The following ZDHHC1 variants were observed in gnomAD, a reference collection of about 807,000 sequenced individuals.
The protein encoded by ZDHHC1 is zDHHC palmitoyltransferase 1.
In ZDHHC1, 45 loss-of-function variants were observed where a neutral mutation model predicts 46.9. That is an observed-to-expected ratio of 0.96 (90% CI 0.76 to 1.23). The LOEUF (loss-of-function observed/expected upper bound fraction) is 1.23, where lower values mean the gene tolerates loss of function less well. Ranked by LOEUF, ZDHHC1 falls within the 50% of genes most tolerant of loss-of-function variation. ZDHHC1 has a pLI of 0.00. For synonymous variants in ZDHHC1, 291 were observed against 286.0 expected (o/e 1.02, Z -0.18); for missense variants, 649 against 670.8 (o/e 0.97, Z 0.36).
In ZDHHC1 at chr16:67,395,074, C is replaced by G. The variant is rs760970591; in HGVS notation, c.1105-12G>C. 23 of 1,613,114 alleles carry G rather than the reference C, an allele frequency of 1.4e-5. No individual in the cohort carries two copies. Among genetic ancestry groups the G allele is most frequent in the Non-Finnish European group, 1.9e-5 (22 of 1,179,932 alleles). ...CTCTTCCTCTTTTTCTGCAGAGACA[C>G]GGGGGAGCCTGAGGGCCCCACATCG... On this transcript the variant is annotated splice_polypyrimidine_tract_variant and intron_variant, in intron 10 of 11. Coordinates refer to ENST00000565726, the MANE Select transcript of ZDHHC1 (RefSeq NM_001323627.2).
intron 8 of ZDHHC1, 191 bp from the exon 9 acceptor site, chr16:67,395,757 C>T (rs2040419206): frequency 4.9e-6 from 3 of 616,458 alleles, no homozygotes; most frequent in African/African-American, 3.7e-5. Context: ...TGGCCCTTGC[C>T]CCATCCCCAG....
chr16:67,400,668 T>C (rs981711459), intron 4 of ZDHHC1, among the ~76,000 whole-genome samples: 1 of 152,224 alleles, frequency 6.6e-6, no homozygotes, highest in Non-Finnish European at 1.5e-5. Flanking sequence ...TATATGGGAA[T>C]ACTGGCGAGA....
In ZDHHC1 at chr16:67,394,803, TG is replaced by T; in HGVS notation, c.1255del (p.His419ThrfsTer46). The T allele has an allele frequency of 2.0e-6, 3 of 1,515,622 alleles. No individual in the cohort carries two copies. Among genetic ancestry groups the T allele is most frequent in the Admixed American group, 2.1e-5 (1 of 48,600 alleles). The allele number at this position is 1,515,622 out of a possible 1,614,324, so 93.9% of individuals were successfully genotyped here. A position where few individuals can be genotyped will look rare whatever the true frequency, so the allele number is the denominator to read the frequency against. On this transcript the variant is annotated frameshift_variant, in exon 12 of 12. Coordinates refer to ENST00000565726, the MANE Select transcript of ZDHHC1 (RefSeq NM_001323627.2). LOFTEE classifies it low-confidence loss of function (END_TRUNC). The part of the protein sequence containing the change: ...VHAAGPAGAY[H>X]SASAESVDEI... ...GTCCACGGACTCTGCCGACGCCGAG[TG>T]GTAGGCGCCGGCAGGGCCAGCGGCG...
chr16:67,410,717 G>A (rs1178962760), intron 1 of ZDHHC1, among the ~76,000 whole-genome samples: 2 of 151,742 alleles, frequency 1.3e-5, no homozygotes, highest in African/African-American at 4.8e-5. Flanking sequence ...TCAGGCTGGA[G>A]TACAGTGGTA....
chr16:67,398,768 G>A (rs150003209), intron 6 of ZDHHC1, 37 bp from the exon 7 acceptor site: 35 of 1,611,882 alleles, frequency 2.2e-5, no homozygotes, highest in Admixed American at 5.0e-5. Flanking sequence ...AGCCGGGGAC[G>A]TGACGGGTGA....
In ZDHHC1 at chr16:67,395,481, C is replaced by T. The variant is rs1184328415; in HGVS notation, c.1010+3G>A. ...CAGTGGCACATGCCCAGGTTGCACT[C>T]ACTTGGCATTCACTGCTGCTGGCCC... On this transcript the variant is annotated splice_donor_region_variant and intron_variant, in intron 9 of 11. Transcript: ENST00000565726. The T allele has an allele frequency of 6.4e-7, 1 of 1,552,648 alleles. No homozygotes were observed. Among genetic ancestry groups the T allele is most frequent in the Non-Finnish European group, 8.7e-7 (1 of 1,147,628 alleles).
intron 4 of ZDHHC1, among the ~76,000 whole-genome samples, chr16:67,400,379 G>C (rs140345343): frequency 6.6e-6 from 1 of 152,306 alleles, no homozygotes; most frequent in Admixed American, 6.5e-5. Flanking sequence ...GGCGCAGCAC[G>C]TAGTGACTCC....
chr16:67,400,950 C>T lies in ZDHHC1; in HGVS notation c.428+7G>A. On this transcript the variant is annotated splice_region_variant and intron_variant, in intron 4 of 11. Transcript: ENST00000565726. ...CTCGGCAGCCACAAGCACCCACACA[C>T]ACTCACACATCCACGTTGCACAAGT... is the stretch of plus-strand genomic sequence containing the variant. The T allele has an allele frequency of 6.2e-7, 1 of 1,613,044 alleles. No individual in the cohort carries two copies. Among genetic ancestry groups the T allele is most frequent in the Non-Finnish European group, 8.5e-7 (1 of 1,179,538 alleles).
At chr16:67,413,194 C>G (rs1224748325) in intron 1 of ZDHHC1, among the ~76,000 whole-genome samples, 1 of 152,108 alleles carries the variant, frequency 6.6e-6, no homozygotes, top group Non-Finnish European at 1.5e-5. Flanking sequence ...AGCCTCCCAC[C>G]TTGGCCTCCC....
intron 1 of ZDHHC1, among the ~76,000 whole-genome samples, chr16:67,409,130 G>A (rs1436813928): frequency 1.3e-5 from 2 of 152,134 alleles, no homozygotes; most frequent in African/African-American, 4.8e-5. Context: ...CAGAGCTGCT[G>A]TATCCCTGAC....
intron 1 of ZDHHC1, among the ~76,000 whole-genome samples, chr16:67,412,865 A>G (rs2040771246): frequency 6.6e-6 from 1 of 151,176 alleles, no homozygotes. Context: ...CAGTGGTGCG[A>G]TCTTGGCTCA....
Position 67,416,394 on chromosome 16 carries a change from TCCGGCTCC to T in ZDHHC1, c.-270_-263del. On this transcript the variant is annotated 5_prime_UTR_variant, in exon 1 of 12. Coordinates refer to ENST00000565726, the MANE Select transcript of ZDHHC1 (RefSeq NM_001323627.2). ...CTCTGGCTCTGGCTCCGGCTCCGGCTCCGGCTCCGGCTCCGGCTCCGGCTCCAGCAGGC... is the reference window on the plus strand; with the variant it reads ...CTCTGGCTCTGGCTCCGGCTCCGGCTGGCTCCGGCTCCGGCTCCAGCAGGC... 4.7e-6 allele frequency: 1 copy of T among 213,294 alleles called. No homozygotes were observed. Among genetic ancestry groups the T allele is most frequent in the Non-Finnish European group, 9.6e-6 (1 of 104,382 alleles). The allele number at this position is 213,294 out of a possible 1,614,324, so 13.2% of individuals were successfully genotyped here. A position where few individuals can be genotyped will look rare whatever the true frequency, so the allele number is the denominator to read the frequency against.
At chr16:67,411,606 A>G (rs2040748656) in intron 1 of ZDHHC1, among the ~76,000 whole-genome samples, 1 of 152,216 alleles carries the variant, frequency 6.6e-6, no homozygotes, top group Admixed American at 6.5e-5. Flanking sequence ...TATCTTATAC[A>G]TATACTCACA....
At chr16:67,403,127 G>C (rs1050195700) in intron 3 of ZDHHC1, among the ~76,000 whole-genome samples, 1 of 152,142 alleles carries the variant, frequency 6.6e-6, no homozygotes, top group Non-Finnish European at 1.5e-5. Context: ...CCTGGCTAGG[G>C]ACTGTGGCTG....
At chr16:67,400,899 C>T (rs2040538380) in intron 4 of ZDHHC1, 58 bp downstream of exon 4, 1 of 1,578,538 alleles carries the variant, frequency 6.3e-7, no homozygotes, top group African/African-American at 1.3e-5. Context: ...CTGGCACCCC[C>T]TCTCCACCAT....
chr16:67,416,412 TCCG>T lies in ZDHHC1; in HGVS notation c.-283_-281del, dbSNP rs2040837192. ...CTCCGGCTCCGGCTCCGGCTCCGGC[TCCG>T]GCTCCAGCAGGCTGGAGGGGCGGCC... On this transcript the variant is annotated 5_prime_UTR_variant, in exon 1 of 12. Coordinates refer to ENST00000565726, the MANE Select transcript of ZDHHC1 (RefSeq NM_001323627.2). 1 of 205,298 alleles carries T rather than the reference TCCG, an allele frequency of 4.9e-6. No individual in the cohort carries two copies. The highest frequency in any genetic ancestry group is 3.0e-5 in the African/African-American group (1 of 33,788). 12.7% of individuals were successfully genotyped at this position (205,298 alleles called of 1,614,324 possible).
intron 1 of ZDHHC1, among the ~76,000 whole-genome samples, chr16:67,411,834 C>T (rs1297881443): frequency 3.3e-5 from 5 of 152,098 alleles, no homozygotes; most frequent in Admixed American, 1.3e-4. Flanking sequence ...CAAAGGGGGC[C>T]GGGCGCGGTG....
At chr16:67,409,305 T>C (rs2040713395) in intron 1 of ZDHHC1, among the ~76,000 whole-genome samples, 1 of 150,928 alleles carries the variant, frequency 6.6e-6, no homozygotes, top group South Asian at 2.1e-4. Context: ...GGATACCCCC[T>C]GATACTCCAA....
intron 1 of ZDHHC1, among the ~76,000 whole-genome samples, chr16:67,412,365 T>G (rs1567523633): frequency 6.6e-6 from 1 of 152,116 alleles, no homozygotes; most frequent in Non-Finnish European, 1.5e-5. Context: ...AATAAATGAT[T>G]AGGGGATGTC....
Sources: gnomAD v4.1 joint callset for allele counts (sites outside exome capture counted in the v4.1 genomes callset) on GRCh38, gnomAD v4.1.1 for gene constraint, MANE v1.5 for transcripts, NCBI Gene and HGNC (gene_info 2026-07-23, HGNC 2026-07-21) for gene names.